KNDC1: variants seen among roughly 807,000 people sequenced by gnomAD.
KNDC1 encodes the protein kinase non-catalytic C-lobe domain containing 1.
A neutral mutation model predicts 172.8 loss-of-function variants in KNDC1; 106 were observed. The ratio of observed to expected loss-of-function variants is 0.61; its 90% CI spans 0.52 to 0.72. The LOEUF (loss-of-function observed/expected upper bound fraction) is 0.72, where lower values mean the gene tolerates loss of function less well. Among genes scored for constraint, KNDC1 ranks in the 30% least tolerant of loss-of-function variants. The probability of loss-of-function intolerance (pLI) is 0.00; values close to 1 mark genes in which losing one functional copy is unlikely to be tolerated. For synonymous variants in KNDC1, 1,083 were observed against 1,062.2 expected (o/e 1.02, Z -0.38); for missense variants, 2,325 against 2,394.5 (o/e 0.97, Z 0.61).
chr10:133,166,674 A>G (rs1853167419), intron 1 of KNDC1, among the ~76,000 whole-genome samples: 1 of 151,558 alleles, frequency 6.6e-6, no homozygotes, highest in Non-Finnish European at 1.5e-5. Flanking sequence ...TCCATGTGGG[A>G]TGCATGTATG....
rs1845693643 is a variant in KNDC1, at chr10:133,225,041, G to T, written c.*151G>T. ...TGGACCAGGAGGTGGAGGCTCAGGG[G>T]ACCCCATGGGGACAGGCAGAGCTGG... On this transcript the variant is annotated 3_prime_UTR_variant, in exon 30 of 30. Coordinates refer to ENST00000304613, the MANE Select transcript of KNDC1 (RefSeq NM_152643.8). The T allele has an allele frequency of 1.1e-5, 7 of 648,656 alleles. No homozygotes were observed. In the South Asian group the frequency reaches 1.1e-4, roughly 10 times the overall value. The allele number at this position is 648,656 out of a possible 1,614,324, so 40.2% of individuals were successfully genotyped here.
chr10:133,190,934 T>C lies in KNDC1; in HGVS notation c.1575+1121T>C, dbSNP rs1209809909. On this transcript the variant is annotated intron_variant, in intron 9 of 29. Coordinates refer to ENST00000304613, the MANE Select transcript of KNDC1 (RefSeq NM_152643.8). ...GTGTTCCTGTGGGATCCCTTCAGGG[T>C]TAGTGCTTTCCCCTTCAAGGAACGA... Among the ~76,000 whole-genome samples the C allele has an allele frequency of 2.6e-5, 4 of 152,310 alleles. No homozygotes were observed. In the East Asian group the frequency reaches 7.7e-4, roughly 29 times the overall value.
At chr10:133,178,177 G>T (rs1166232376) in intron 3 of KNDC1, among the ~76,000 whole-genome samples, 1 of 151,082 alleles carries the variant, frequency 6.6e-6, no homozygotes, top group Non-Finnish European at 1.5e-5. Flanking sequence ...CCTGTGTGTA[G>T]CATGCATGTG....
intron 9 of KNDC1, among the ~76,000 whole-genome samples, chr10:133,191,707 T>A (rs1339664029): frequency 1.3e-5 from 2 of 151,814 alleles, no homozygotes; most frequent in Non-Finnish European, 2.9e-5. Flanking sequence ...CTCAAAAAAA[T>A]AAGTAAAACA....
At chr10:133,199,880 C>T (rs531199284) in intron 15 of KNDC1, among the ~76,000 whole-genome samples, 1 of 152,244 alleles carries the variant, frequency 6.6e-6, no homozygotes, top group Admixed American at 6.5e-5. Flanking sequence ...CGGGAGGCTG[C>T]AGGGGGCCTG....
chr10:133,184,025 C>T (rs1853805322), intron 5 of KNDC1, 36 bp downstream of exon 5: 3 of 1,267,938 alleles, frequency 2.4e-6, no homozygotes, highest in South Asian at 2.7e-5. Flanking sequence ...CATCCTCATG[C>T]ACATATACCT....
chr10:133,183,772 T>TC, intron 4 of KNDC1, 100 bp from the exon 5 acceptor site: 2 of 987,726 alleles, frequency 2.0e-6, no homozygotes, highest in Non-Finnish European at 3.0e-6. Context: ...CTGGGGACTG[T>TC]CCCCAGGTCA....
At chr10:133,183,031 C>A (rs899974619) in intron 3 of KNDC1, among the ~76,000 whole-genome samples, 9 of 146,374 alleles carry the variant, frequency 6.1e-5, no homozygotes, top group Non-Finnish European at 1.0e-4. Flanking sequence ...TGGGTGCGAG[C>A]AGCATGGGCG....
chr10:133,211,467 G>C lies in KNDC1; in HGVS notation c.3954G>C (p.Arg1318=). Residue 1318 remains arginine, a synonymous_variant, in exon 22 of 30, where the codon CGG becomes CGC. Transcript: ENST00000304613. ...PTSTFTKIYR[R]SLCVLQAWVE... is the part of the protein sequence containing the mutation. ...CGACCTTCACCAAGATCTACAGGCG[G>C]AGCCTCTGCGTCCTGCAGGCCTGGG... 3.7e-6 allele frequency: 6 copies of C among 1,613,898 alleles called. No homozygotes were observed. Among genetic ancestry groups the C allele is most frequent in the African/African-American group, 1.3e-5 (1 of 75,054 alleles).
At position 133,209,913 on chromosome 10, in the gene KNDC1, G is replaced by A. The variant is rs1845321304; in HGVS notation, c.3795-698G>A. Among the ~76,000 whole-genome samples, 1 of 152,138 alleles carries A rather than the reference G, an allele frequency of 6.6e-6. No individual in the cohort carries two copies. The highest frequency in any genetic ancestry group is 2.4e-5 in the African/African-American group (1 of 41,406). On this transcript the variant is annotated intron_variant, in intron 20 of 29. Transcript: ENST00000304613. The surrounding 1 kb of genome is among the most constrained non-coding windows in gnomAD (Gnocchi z 4.9). ...CTCCCAGGACAGTCCCAGACCTGCA[G>A]GCGGGGCCCTGGTCAGTGTCTCCTG...
intron 29 of KNDC1, among the ~76,000 whole-genome samples, chr10:133,223,552 C>T (rs113598154): frequency 2.8e-3 from 63 of 22,810 alleles, no homozygotes; most frequent in Non-Finnish European, 2.7e-3. Flanking sequence ...CGTGTGTGTG[C>T]GTGTGTGTGA....
chr10:133,181,833 T>TA (rs1491098654), intron 3 of KNDC1, among the ~76,000 whole-genome samples: 57,832 of 123,756 alleles, frequency 0.47, 13,130 homozygotes, highest in South Asian at 0.67. Context: ...CCCAGGACCG[T>TA]CCACACACAC....
intron 3 of KNDC1, among the ~76,000 whole-genome samples, chr10:133,175,961 G>T (rs552009892): frequency 3.6e-4 from 54 of 149,978 alleles, no homozygotes; most frequent in African/African-American, 1.3e-3. Flanking sequence ...TGGATGGGTG[G>T]ATGGATGGAT....
intron 6 of KNDC1, among the ~76,000 whole-genome samples, chr10:133,186,912 G>A (rs928206760): frequency 8.5e-5 from 13 of 152,132 alleles, no homozygotes; most frequent in African/African-American, 3.1e-4. Flanking sequence ...GGATGACCCA[G>A]AAAGCAGCCG....
chr10:133,190,384 ACACCCTGCAGTAAGCACCCTGCACTAAG>A (rs1157603378), intron 9 of KNDC1, among the ~76,000 whole-genome samples: 8 of 150,542 alleles, frequency 5.3e-5, no homozygotes, highest in South Asian at 4.3e-4. Context: ...CCTGCACTAA[ACACCCTGCAGTAAGCACCCTGCACTAAG>A]CACCCTGCAG....
chr10:133,210,743 C>T lies in KNDC1; in HGVS notation c.3908+19C>T, dbSNP rs1293699515. 1 of 1,577,188 alleles carries T rather than the reference C, an allele frequency of 6.3e-7. No homozygotes were observed. Among genetic ancestry groups the T allele is most frequent in the South Asian group, 1.1e-5 (1 of 90,300 alleles). On this transcript the variant is annotated intron_variant, in intron 21 of 29. Coordinates refer to ENST00000304613, the MANE Select transcript of KNDC1 (RefSeq NM_152643.8). ...TGACCAGGTACCAAGCTCCACAGCT[C>T]CACGCCCGCCAGAGCTTCCCCCTGG...
rs1852921459 is a variant in KNDC1 at position 133,160,411 on chromosome 10, C to G, written c.-57C>G. On this transcript the variant is annotated 5_prime_UTR_variant, in exon 1 of 30. Transcript: ENST00000304613. The stretch of plus-strand genomic sequence containing the variant: ...TCCATGGAGCCAGGGCGCGCGTAGC[C>G]GAGCCCAGCCCAGCCCAGCCGGAGG... The G allele has an allele frequency of 7.9e-6, 9 of 1,134,644 alleles. No homozygotes were observed. The highest frequency in any genetic ancestry group is 6.6e-5 in the African/African-American group (4 of 60,724). 70.3% of individuals were successfully genotyped at this position (1,134,644 alleles called of 1,614,324 possible). A position where few individuals can be genotyped will look rare whatever the true frequency, so the allele number is the denominator to read the frequency against.
Position 133,186,436 on chromosome 10 carries a change from T to C in KNDC1, c.1088T>C (p.Leu363Pro). ...TTCCAGGCTCAGCCCAAATGCAGGC[T>C]GTGGCCGGAGCAGGAGCCGGAACAC... Reference protein sequence around the residue: ...SSFQAQPKCRLWPEQEPEHQL... With the variant: ...SSFQAQPKCRPWPEQEPEHQL... Residue 363 changes from leucine (L) to proline (P), a missense_variant, in exon 6 of 30, where the codon CTG becomes CCG. By Grantham distance (98) the Leu-to-Pro change is moderately conservative. Transcript: ENST00000304613. 1 of 1,612,582 alleles carries C rather than the reference T, an allele frequency of 6.2e-7. No homozygotes were observed. Among genetic ancestry groups the C allele is most frequent in the Non-Finnish European group, 8.5e-7 (1 of 1,179,856 alleles).
At chr10:133,188,986 G>A (rs1854003987) in intron 7 of KNDC1, among the ~76,000 whole-genome samples, 2 of 152,134 alleles carry the variant, frequency 1.3e-5, no homozygotes, top group South Asian at 2.1e-4. Context: ...AAAGAGGAAC[G>A]GGGACTTTGC....
Sources: gnomAD v4.1 joint callset for allele counts (sites outside exome capture counted in the v4.1 genomes callset) on GRCh38, gnomAD v4.1.1 for gene constraint, Gnocchi (gnomAD v3.1) non-coding constraint, MANE v1.5 for transcripts, NCBI Gene and HGNC (gene_info 2026-07-23, HGNC 2026-07-21) for gene names.